The following CALCR variants were observed in gnomAD, a reference collection of about 807,000 sequenced individuals.
The protein encoded by CALCR is calcitonin receptor.
CALCR carries 47 observed loss-of-function variants against 59.5 expected under a neutral mutation model. The ratio of observed to expected loss-of-function variants is 0.79; its 90% CI spans 0.63 to 1.01. The LOEUF is 1.01. Among genes scored for constraint, CALCR ranks in the 50% least tolerant of loss-of-function variants. CALCR has a pLI of 0.00. For missense variants in CALCR, 566 were observed against 597.1 expected, an observed-to-expected ratio of 0.95 and a Z score of 0.54; for synonymous variants, 213 against 211.3, an observed-to-expected ratio of 1.01 and a Z score of -0.07.
intron 2 of CALCR, among the ~76,000 whole-genome samples, chr7:93,557,317 T>C (rs1789634029): frequency 6.6e-6 from 1 of 151,774 alleles, no homozygotes; most frequent in African/African-American, 2.4e-5. Context: ...ATTTATGGTA[T>C]GCAACTTTAT....
intron 2 of CALCR, 44 bp from the exon 3 acceptor site, chr7:93,487,051 C>G (rs1340381908): frequency 3.1e-6 from 3 of 965,092 alleles, no homozygotes; most frequent in South Asian, 1.4e-5. Context: ...TAATATATCT[C>G]TAATATTGGC....
rs183690816 is a variant in CALCR, at chr7:93,461,700, T to C, written c.522-753A>G. Among the ~76,000 whole-genome samples the C allele has an allele frequency of 3.0e-4, 46 of 152,260 alleles. No homozygotes were observed. In the East Asian group the frequency reaches 6.6e-3, roughly 22 times the overall value. On this transcript the variant is annotated intron_variant, in intron 7 of 13. Transcript: ENST00000426151. ...GTGTATTAAGCAATTTATTGGGGCT[T>C]TTATTCTTTTCTCTCCAGTTCATAA...
chr7:93,453,493 G>T (rs1013154181), intron 8 of CALCR, among the ~76,000 whole-genome samples: 1 of 151,932 alleles, frequency 6.6e-6, no homozygotes, highest in Non-Finnish European at 1.5e-5. Context: ...ACTTCACAAC[G>T]TTCCAGCAAT....
intron 2 of CALCR, among the ~76,000 whole-genome samples, chr7:93,516,298 T>C (rs1006836416): frequency 3.3e-5 from 5 of 151,994 alleles, no homozygotes; most frequent in Admixed American, 3.3e-4. Context: ...GGAAGTTGTT[T>C]CTTTAGGCTA....
intron 2 of CALCR, among the ~76,000 whole-genome samples, chr7:93,487,811 T>A (rs1800981816): frequency 6.6e-6 from 1 of 151,266 alleles, no homozygotes; most frequent in Non-Finnish European, 1.5e-5. Context: ...GCACTATATC[T>A]ACTGTATTAC....
intron 13 of CALCR, among the ~76,000 whole-genome samples, chr7:93,432,505 A>G (rs1343378638): frequency 2.0e-5 from 3 of 152,158 alleles, no homozygotes; most frequent in African/African-American, 7.2e-5. Flanking sequence ...TCACACTTTT[A>G]CCTTCCCCCA....
intron 13 of CALCR, among the ~76,000 whole-genome samples, chr7:93,429,959 A>G (rs1303016999): frequency 7.7e-6 from 1 of 129,966 alleles, no homozygotes; most frequent in African/African-American, 3.0e-5. Flanking sequence ...TTTGAGACAG[A>G]GTCTTGCTGT....
intron 3 of CALCR, among the ~76,000 whole-genome samples, chr7:93,480,681 C>T (rs1800776569): frequency 6.6e-6 from 1 of 151,854 alleles, no homozygotes; most frequent in Non-Finnish European, 1.5e-5. Context: ...TCACTAACTG[C>T]TAAGCTGTCC....
intron 2 of CALCR, among the ~76,000 whole-genome samples, chr7:93,518,249 A>C (rs1801687574): frequency 6.6e-6 from 1 of 151,588 alleles, no homozygotes; most frequent in South Asian, 2.1e-4. Flanking sequence ...AAAACATAAA[A>C]AAATCAAGAA....
intron 9 of CALCR, among the ~76,000 whole-genome samples, chr7:93,440,745 T>C (rs563603678): frequency 1.8e-4 from 27 of 152,216 alleles, no homozygotes; most frequent in African/African-American, 6.5e-4. Context: ...TCTAAACAGA[T>C]TTTTAAGTGC....
chr7:93,519,573 T>C (rs182852084), intron 2 of CALCR, among the ~76,000 whole-genome samples: 40 of 152,224 alleles, frequency 2.6e-4, no homozygotes, highest in African/African-American at 9.1e-4. Flanking sequence ...GCATTTTCAT[T>C]ATCTATATTA....
At chr7:93,430,975 C>T (rs958892492) in intron 13 of CALCR, among the ~76,000 whole-genome samples, 1 of 152,152 alleles carries the variant, frequency 6.6e-6, no homozygotes, top group Admixed American at 6.5e-5. Flanking sequence ...AATTTCTAAA[C>T]AGAAGAAACT....
chr7:93,523,460 C>A (rs1801807394), intron 2 of CALCR, among the ~76,000 whole-genome samples: 2 of 152,164 alleles, frequency 1.3e-5, no homozygotes, highest in African/African-American at 4.8e-5. Context: ...AGGGCAGAGA[C>A]TGTGTCTTAT....
intron 4 of CALCR, among the ~76,000 whole-genome samples, chr7:93,477,961 CAAAAAAAAAAAAAAAAAAA>C (rs71107894): frequency 3.7e-5 from 2 of 54,404 alleles, no homozygotes; most frequent in Admixed American, 5.9e-4. Flanking sequence ...GACCCTCTCT[CAAAAAAAAAAAAAAAAAAA>C]AAAAAAAAAA....
chr7:93,439,505 A>T lies in CALCR; in HGVS notation c.803-1235T>A, dbSNP rs74604120. ...TAGAAAGGAAAGTGCTTTCTACTTC[A>T]TCTGGAGACGAGTATAGACCCCACA... On this transcript the variant is annotated intron_variant, in intron 9 of 13. Coordinates refer to ENST00000426151, the MANE Select transcript of CALCR (RefSeq NM_001742.4). 9.7e-3 allele frequency among the ~76,000 whole-genome samples: 1,472 copies of T among 152,260 alleles called. 32 individuals are homozygous for T. The highest frequency in any genetic ancestry group is 0.034 in the African/African-American group (1,408 of 41,572).
At chr7:93,540,612 G>C (rs192770180) in intron 2 of CALCR, among the ~76,000 whole-genome samples, 1 of 151,100 alleles carries the variant, frequency 6.6e-6, no homozygotes, top group African/African-American at 2.4e-5. Flanking sequence ...TAAATAATTT[G>C]TATTTGTTTT....
chr7:93,478,772 G>C (rs953262231), intron 4 of CALCR, among the ~76,000 whole-genome samples: 1 of 151,624 alleles, frequency 6.6e-6, no homozygotes, highest in Non-Finnish European at 1.5e-5. Context: ...TTTTCTATGG[G>C]TCCTCTACAG....
intron 12 of CALCR, among the ~76,000 whole-genome samples, chr7:93,435,636 C>T (rs755571101): frequency 2.8e-4 from 42 of 151,538 alleles, no homozygotes; most frequent in Non-Finnish European, 5.6e-4. Flanking sequence ...GGTGAAACCC[C>T]GTCTACTAAA....
At chr7:93,481,055 G>A (rs1042274141) in intron 3 of CALCR, among the ~76,000 whole-genome samples, 2 of 151,800 alleles carry the variant, frequency 1.3e-5, no homozygotes, top group Non-Finnish European at 2.9e-5. Context: ...CACTAGATCT[G>A]TTTCCTCAAC....
Sources: gnomAD v4.1 joint callset for allele counts (sites outside exome capture counted in the v4.1 genomes callset) on GRCh38, gnomAD v4.1.1 for gene constraint, MANE v1.5 for transcripts, NCBI Gene and HGNC (gene_info 2026-07-23, HGNC 2026-07-21) for gene names.